Variants in CCDC3 observed in about 807,000 individuals in gnomAD.
CCDC3 encodes the protein coiled-coil domain-containing protein 3.
A neutral mutation model predicts 21.4 loss-of-function variants in CCDC3; 24 were observed. That is an observed-to-expected ratio of 1.12 (90% CI 0.81 to 1.58). The LOEUF is 1.58. Ranked by LOEUF, CCDC3 falls within the 40% of genes most tolerant of loss-of-function variation. CCDC3 has a pLI of 0.00. For missense variants in CCDC3, 425 were observed against 360.9 expected (o/e 1.18, Z -1.44); for synonymous variants, 186 against 166.0 (o/e 1.12, Z -0.93).
chr10:12,963,320 T>C (rs1305159724), intron 2 of CCDC3, among the ~76,000 whole-genome samples: 1 of 152,156 alleles, frequency 6.6e-6, no homozygotes, highest in Admixed American at 6.5e-5. Flanking sequence ...TTCCTCTATC[T>C]CTAAACAGCA....
intron 2 of CCDC3, among the ~76,000 whole-genome samples, chr10:12,959,975 G>A (rs939728895): frequency 8.5e-5 from 13 of 152,272 alleles, no homozygotes; most frequent in South Asian, 4.2e-4. Flanking sequence ...CCAACATGGC[G>A]AAACCCCGTC....
At chr10:13,008,762 G>T (rs929306953) in intron 5 of CCDC3, among the ~76,000 whole-genome samples, 1 of 152,148 alleles carries the variant, frequency 6.6e-6, no homozygotes, top group Non-Finnish European at 1.5e-5. Flanking sequence ...ATAAAACTCA[G>T]TAAGTTAGCA....
chr10:12,963,237 G>A (rs1290571690), intron 2 of CCDC3, among the ~76,000 whole-genome samples: 1 of 152,098 alleles, frequency 6.6e-6, no homozygotes, highest in Non-Finnish European at 1.5e-5. Context: ...CCAAACATAG[G>A]CCAACTGCTC....
At position 12,946,532 on chromosome 10, in the gene CCDC3, G is replaced by C. The variant is rs78024334; in HGVS notation, c.550-47853C>G. ...ACAAATGCCCAACTGTGGCTAATCA[G>C]GTCATTTCTCTACTTTGCTTCCTGT... is the stretch of plus-strand genomic sequence containing the variant. On this transcript the variant is annotated intron_variant, in intron 2 of 2. Transcript: ENST00000378825. Among the ~76,000 whole-genome samples the C allele has an allele frequency of 6.8e-3, 1,034 of 152,180 alleles. 10 individuals are homozygous for C. Among genetic ancestry groups the C allele is most frequent in the African/African-American group, 0.024 (981 of 41,506 alleles).
At chr10:13,082,025 C>G (rs548602300) in intron 3 of CCDC3, among the ~76,000 whole-genome samples, 385 of 152,296 alleles carry the variant, frequency 2.5e-3, no homozygotes, top group Non-Finnish European at 4.7e-3. Flanking sequence ...GGCCATCCAG[C>G]CTTGTAGGGA....
At chr10:12,919,754 G>A (rs1834418879) in intron 2 of CCDC3, among the ~76,000 whole-genome samples, 1 of 151,430 alleles carries the variant, frequency 6.6e-6, no homozygotes, top group South Asian at 2.1e-4. Flanking sequence ...GCCCGGGGTG[G>A]GTGGGGGGTG....
chr10:12,974,206 C>T (rs554154814), intron 2 of CCDC3, among the ~76,000 whole-genome samples: 4 of 152,334 alleles, frequency 2.6e-5, no homozygotes, highest in East Asian at 1.9e-4. Context: ...CCGGGTACGG[C>T]GAGAAAAACT....
intron 4 of CCDC3, among the ~76,000 whole-genome samples, chr10:13,055,713 C>T (rs1052930545): frequency 6.6e-6 from 1 of 152,164 alleles, no homozygotes; most frequent in African/African-American, 2.4e-5. Flanking sequence ...ATTACGGTAC[C>T]TTTATCTTCA....
chr10:12,926,857 G>T (rs1834549125), intron 2 of CCDC3, among the ~76,000 whole-genome samples: 1 of 152,006 alleles, frequency 6.6e-6, no homozygotes, highest in South Asian at 2.1e-4. Flanking sequence ...TTCATTGGAG[G>T]TCAACTCATA....
At chr10:12,994,418 A>G (rs11258114) in intron 2 of CCDC3, among the ~76,000 whole-genome samples, 1 of 87,222 alleles carries the variant, frequency 1.1e-5, no homozygotes, top group South Asian at 3.8e-4. Context: ...CAAAACAAAA[A>G]AAAAAAACAC....
intron 3 of CCDC3, among the ~76,000 whole-genome samples, chr10:13,074,364 G>A (rs80321023): frequency 5.9e-5 from 3 of 51,270 alleles, no homozygotes; most frequent in African/African-American, 2.6e-4. Context: ...TTTTTTTTTT[G>A]TAGTAGAGAC....
At chr10:12,985,501 A>G (rs963526012) in intron 2 of CCDC3, among the ~76,000 whole-genome samples, 1 of 152,342 alleles carries the variant, frequency 6.6e-6, no homozygotes, top group African/African-American at 2.4e-5. Flanking sequence ...CTTTATTCGT[A>G]ATAGCTAAAA....
At chr10:12,906,054 C>T (rs1203443870) in intron 2 of CCDC3, among the ~76,000 whole-genome samples, 2 of 152,198 alleles carry the variant, frequency 1.3e-5, no homozygotes, top group East Asian at 3.9e-4. Context: ...TTTGTTCTCC[C>T]ATTCTTTAAA....
In CCDC3 at chr10:12,985,286, G is replaced by C. The variant is rs561916347; in HGVS notation, c.549+13052C>G. On this transcript the variant is annotated intron_variant, in intron 2 of 2. Coordinates refer to ENST00000378825, the MANE Select transcript of CCDC3 (RefSeq NM_031455.4). ...GAAATAGTAATTACACCGAATGCTG[G>C]CAACGAGGCAGGGAACTGGATGCTT... 2.6e-5 allele frequency among the ~76,000 whole-genome samples: 4 copies of C among 152,328 alleles called. No individual in the cohort carries two copies. The East Asian group carries it at 7.7e-4, about 29-fold the overall frequency.
At chr10:13,059,642 C>A (rs1015823289) in intron 4 of CCDC3, among the ~76,000 whole-genome samples, 10 of 152,064 alleles carry the variant, frequency 6.6e-5, no homozygotes, top group African/African-American at 2.4e-4. Context: ...GGAAAAATTA[C>A]TGAAGGTTTT....
At position 13,095,200 on chromosome 10, in the gene CCDC3, G is replaced by A. The variant is rs979840651; in HGVS notation, c.-503+3325C>T. Among the ~76,000 whole-genome samples, 4 of 152,264 alleles carry A rather than the reference G, an allele frequency of 2.6e-5. No homozygotes were observed. The South Asian group carries it at 8.3e-4, about 32-fold the overall frequency. On this transcript the variant is annotated intron_variant, in intron 3 of 6. Transcript: ENST00000378839. ...TTGCTGGGTCATATCATAACTCTCT[G>A]TTTAACTTTCCAAGGAACTCATCCT...
chr10:12,948,831 A>G (rs1253122875), intron 2 of CCDC3, among the ~76,000 whole-genome samples: 2 of 135,438 alleles, frequency 1.5e-5, no homozygotes, highest in Non-Finnish European at 3.0e-5. Flanking sequence ...TCCCGGGTTC[A>G]CGCCATTCTC....
chr10:13,085,561 G>C (rs1837092057), intron 3 of CCDC3, among the ~76,000 whole-genome samples: 1 of 152,166 alleles, frequency 6.6e-6, no homozygotes. Flanking sequence ...GCATATTGAA[G>C]ACCGTGGAAA....
chr10:12,980,917 T>C (rs1165681587), intron 2 of CCDC3, among the ~76,000 whole-genome samples: 1 of 152,210 alleles, frequency 6.6e-6, no homozygotes, highest in Non-Finnish European at 1.5e-5. Context: ...CAAGCTCTGC[T>C]TCTAGTACTC....
Sources: allele counts gnomAD v4.1 joint callset (sites outside exome capture counted in the v4.1 genomes callset), GRCh38; gene constraint gnomAD v4.1.1; transcripts MANE v1.5; gene names NCBI Gene and HGNC (gene_info 2026-07-23, HGNC 2026-07-21).